The following IL15RA variants were observed in gnomAD, a reference collection of about 807,000 sequenced individuals.
IL15RA encodes the protein interleukin-15 receptor subunit alpha.
IL15RA carries 26 observed loss-of-function variants against 24.2 expected under a neutral mutation model. That is an observed-to-expected ratio of 1.07 (90% confidence interval 0.79 to 1.49). The LOEUF (loss-of-function observed/expected upper bound fraction) is 1.49. IL15RA is among the 40% of genes most tolerant of loss of function. The pLI, the probability that IL15RA is intolerant of heterozygous loss-of-function variation, is 0.00. For missense variants in IL15RA, 354 were observed against 356.4 expected (o/e 0.99, Z 0.05); for synonymous variants, 166 against 157.6 (o/e 1.05, Z -0.40).
intron 1 of IL15RA, among the ~76,000 whole-genome samples, chr10:5,974,501 G>C (rs1211161810): frequency 6.6e-6 from 1 of 151,914 alleles, no homozygotes; most frequent in Non-Finnish European, 1.5e-5. Context: ...GGGTGTGAAG[G>C]AACTGGAACT....
At chr10:5,977,735 C>G, upstream of IL15RA, 1 of 1,002,760 alleles carries the variant, frequency 1.0e-6, no homozygotes, top group Non-Finnish European at 1.3e-6. Context: ...CCCCTGTCCC[C>G]GGGACGCATG....
At position 5,952,929 on chromosome 10, in the gene IL15RA, C is replaced by T. The variant is rs184737366; in HGVS notation, c.*166G>A. 3.9e-3 allele frequency: 2,425 copies of T among 628,980 alleles called. 20 individuals are homozygous for T. Among genetic ancestry groups the T allele is most frequent in the Non-Finnish European group, 3.0e-3 (1,045 of 351,066 alleles). 39.0% of individuals were successfully genotyped at this position (628,980 alleles called of 1,614,324 possible). A position where few individuals can be genotyped will look rare whatever the true frequency, so the allele number is the denominator to read the frequency against. ...GGAATGCGGAGAACCTGCTCCCTCGCGCAGGAGGCGCCGACCCGGCAGTCC... is the reference window on the plus strand; with the variant it reads ...GGAATGCGGAGAACCTGCTCCCTCGTGCAGGAGGCGCCGACCCGGCAGTCC... On this transcript the variant is annotated 3_prime_UTR_variant, in exon 7 of 7. Transcript: ENST00000379977.
In IL15RA at chr10:5,961,858, C is replaced by A. The variant is rs1835616188; in HGVS notation, c.383-1291G>T. 6.6e-6 allele frequency among the ~76,000 whole-genome samples: 1 copy of A among 152,230 alleles called. No individual in the cohort carries two copies. The highest frequency in any genetic ancestry group is 1.5e-5 in the Non-Finnish European group (1 of 68,048). The stretch of plus-strand genomic sequence containing the variant: ...GCGTTCCCATGGTCTCCCAGCCACA[C>A]AGGTCATGAGAAGGCCTCACGCCCC... On this transcript the variant is annotated intron_variant, in intron 3 of 6. Coordinates refer to ENST00000379977, the MANE Select transcript of IL15RA (RefSeq NM_002189.4). The surrounding 1 kb of genome is among the most constrained non-coding windows in gnomAD (Gnocchi z 5.2).
chr10:5,973,459 A>G lies in IL15RA; in HGVS notation c.88+3946T>C, dbSNP rs1323567329. On this transcript the variant is annotated intron_variant, in intron 1 of 6. Coordinates refer to ENST00000379977, the MANE Select transcript of IL15RA (RefSeq NM_002189.4). This position sits in a 1 kb window ranked among gnomAD's most constrained non-coding sequence, Gnocchi z 4.5. ...TAATTGTTCATTGTGAATGTATAGA[A>G]ATAGAACTGATTTTTGTGTAGTGGT... Among the ~76,000 whole-genome samples the G allele has an allele frequency of 3.9e-5, 6 of 152,238 alleles. No individual in the cohort carries two copies. Among genetic ancestry groups the G allele is most frequent in the Non-Finnish European group, 8.8e-5 (6 of 68,044 alleles).
At chr10:5,978,517 G>A (rs1383489671), upstream of IL15RA, among the ~76,000 whole-genome samples, 1 of 152,138 alleles carries the variant, frequency 6.6e-6, no homozygotes, top group Non-Finnish European at 1.5e-5. The surrounding 1 kb of genome is among the most constrained non-coding windows in gnomAD (Gnocchi z 5.2). Context: ...CTTTGAAAAC[G>A]AAATAATCTG....
rs1164370138 is a variant in IL15RA at position 5,960,379 on chromosome 10, G to A, written c.571C>T (p.His191Tyr). The change falls in exon 4 of 7, where the codon CAC (histidine) becomes TAC (tyrosine). Residue 191 changes from histidine to tyrosine, a missense_variant. Transcript: ENST00000379977. This position sits in a 1 kb window ranked among gnomAD's most constrained non-coding sequence, Gnocchi z 5.1. The stretch of plus-strand genomic sequence containing the variant: ...AGCGAGTGCTAACCTGGCGGCTGGT[G>A]GGAGGCGGATGCTGTGAGTTCCCAG... ...KNWELTASASHQPPGVYPQGH... is the reference protein window; with the variant it reads ...KNWELTASASYQPPGVYPQGH... The A allele has an allele frequency of 1.2e-6, 2 of 1,613,926 alleles. No homozygotes were observed. The highest frequency in any genetic ancestry group is 2.7e-5 in the African/African-American group (2 of 74,914).
Position 5,952,876 on chromosome 10 carries a change from C to G in IL15RA, c.*219G>C. ...GGGAAGCTGGGCCCTGGGTCCAAGG[C>G]ACGACAGGCAGGCAGGTGGTGCCCA... On this transcript the variant is annotated 3_prime_UTR_variant, in exon 7 of 7. Coordinates refer to ENST00000379977, the MANE Select transcript of IL15RA (RefSeq NM_002189.4). 1.7e-6 allele frequency: 1 copy of G among 601,032 alleles called. No homozygotes were observed. Among genetic ancestry groups the G allele is most frequent in the Non-Finnish European group, 3.0e-6 (1 of 338,160 alleles). 37.2% of individuals were successfully genotyped at this position (601,032 alleles called of 1,614,324 possible).
chr10:5,978,448 T>C (rs1838772097), upstream of IL15RA, among the ~76,000 whole-genome samples: 1 of 152,170 alleles, frequency 6.6e-6, no homozygotes, highest in Admixed American at 6.5e-5. The surrounding 1 kb of genome is among the most constrained non-coding windows in gnomAD (Gnocchi z 5.2). Flanking sequence ...GCCTCGGTCA[T>C]TGCCTCTTAA....
At position 5,953,226 on chromosome 10, in the gene IL15RA, T is replaced by C. The variant is rs760860209; in HGVS notation, c.693-20A>G. 3 of 1,587,926 alleles carry C rather than the reference T, an allele frequency of 1.9e-6. No individual in the cohort carries two copies. The highest frequency in any genetic ancestry group is 2.7e-5 in the African/African-American group (2 of 74,538). ...GTTTGCCTGCAAAGCAGGTGGTTCA[T>C]AGGTTTTGAAAAGAGGAGGGGGTTG... On this transcript the variant is annotated intron_variant, in intron 6 of 6. Transcript: ENST00000379977. This position sits in a 1 kb window ranked among gnomAD's most constrained non-coding sequence, Gnocchi z 5.3.
chr10:5,971,984 C>T lies in IL15RA; in HGVS notation c.88+5421G>A, dbSNP rs1289066966. Among the ~76,000 whole-genome samples the T allele has an allele frequency of 6.6e-6, 1 of 152,154 alleles. No homozygotes were observed. The highest frequency in any genetic ancestry group is 1.5e-5 in the Non-Finnish European group (1 of 68,024). On this transcript the variant is annotated intron_variant, in intron 1 of 6. Transcript: ENST00000379977. The surrounding 1 kb of genome is among the most constrained non-coding windows in gnomAD (Gnocchi z 5.5). ...CAAATGAAAGGAAAGTAATGAAATA[C>T]ATTCTATAGTTTTAGGACTCGAGAA...
At position 5,963,659 on chromosome 10, in the gene IL15RA, G is replaced by T. The variant is rs1835975876; in HGVS notation, c.382+84C>A. ...AAGTCTGCAGTGGCACACCACAGAG[G>T]TCCGTGAGTCTGCAGGATTGGTGAG... On this transcript the variant is annotated intron_variant, in intron 3 of 6. Coordinates refer to ENST00000379977, the MANE Select transcript of IL15RA (RefSeq NM_002189.4). The surrounding 1 kb of genome is among the most constrained non-coding windows in gnomAD (Gnocchi z 5.3). 4 of 756,558 alleles carry T rather than the reference G, an allele frequency of 5.3e-6. No homozygotes were observed. The highest frequency in any genetic ancestry group is 2.3e-5 in the South Asian group (1 of 44,360). 46.9% of individuals were successfully genotyped at this position (756,558 alleles called of 1,614,324 possible).
At position 5,977,542 on chromosome 10, in the gene IL15RA, A is replaced by G. The variant is rs1028589460; in HGVS notation, c.-50T>C. 5 of 1,282,352 alleles carry G rather than the reference A, an allele frequency of 3.9e-6. No homozygotes were observed. Among genetic ancestry groups the G allele is most frequent in the Non-Finnish European group, 3.9e-6 (4 of 1,014,454 alleles). The allele number at this position is 1,282,352 out of a possible 1,614,324, so 79.4% of individuals were successfully genotyped here. ...TGGACTCCCCGGGCGAGCGCTGCCC[A>G]GGCCGGGGGGAGGTGGCGAGCGCTG... On this transcript the variant is annotated 5_prime_UTR_variant, in exon 1 of 7. Transcript: ENST00000379977.
chr10:5,952,828 C>A lies in IL15RA; in HGVS notation c.*267G>T. On this transcript the variant is annotated 3_prime_UTR_variant, in exon 7 of 7. Transcript: ENST00000379977. ...ACACTGTAATGAAATAAAAATCCTG[C>A]TCAGAAGCCTTTGGTCTCTCCTGGG... is the stretch of plus-strand genomic sequence containing the variant. 2 of 545,382 alleles carry A rather than the reference C, an allele frequency of 3.7e-6. No individual in the cohort carries two copies. The highest frequency in any genetic ancestry group is 6.5e-6 in the Non-Finnish European group (2 of 309,108). The allele number at this position is 545,382 out of a possible 1,614,324, so 33.8% of individuals were successfully genotyped here.
At chr10:5,948,908 A>G (rs747242566), downstream of IL15RA, 2 of 185,360 alleles carry the variant, frequency 1.1e-5, no homozygotes, top group African/African-American at 4.7e-5. Context: ...AATATTGAAA[A>G]TATATATTTT....
chr10:5,953,412 C>T lies in IL15RA; in HGVS notation c.693-206G>A, dbSNP rs909207991. On this transcript the variant is annotated intron_variant, in intron 6 of 6. Coordinates refer to ENST00000379977, the MANE Select transcript of IL15RA (RefSeq NM_002189.4). The surrounding 1 kb of genome is among the most constrained non-coding windows in gnomAD (Gnocchi z 5.3). ...CTACCTCTACCGAGTGTATTAAATC[C>T]TATCTAGGGGCCAGGTGTGGTGGCG... 7 of 704,212 alleles carry T rather than the reference C, an allele frequency of 9.9e-6. No individual in the cohort carries two copies. The highest frequency in any genetic ancestry group is 1.6e-5 in the Non-Finnish European group (6 of 382,888). 43.6% of individuals were successfully genotyped at this position (704,212 alleles called of 1,614,324 possible). A position where few individuals can be genotyped will look rare whatever the true frequency, so the allele number is the denominator to read the frequency against.
rs8177698 is a variant in IL15RA at position 5,961,424 on chromosome 10, G to GAAGAA, written c.383-862_383-858dup. On this transcript the variant is annotated intron_variant, in intron 3 of 6. Coordinates refer to ENST00000379977, the MANE Select transcript of IL15RA (RefSeq NM_002189.4). The surrounding 1 kb of genome is among the most constrained non-coding windows in gnomAD (Gnocchi z 5.2). ...TGTCTCTTAAAAAAAAAGGTGGGGG[G>GAAGAA]AAGAAAAGAAAAGGTGTCAAAGATC... Among the ~76,000 whole-genome samples, 84,077 of 150,966 alleles carry GAAGAA rather than the reference G, an allele frequency of 0.56. 24,485 individuals carry two copies. Among genetic ancestry groups the GAAGAA allele is most frequent in the East Asian group, 0.76 (3,866 of 5,072 alleles).
In IL15RA at chr10:5,956,417, C is replaced by G; in HGVS notation, c.654G>C (p.Leu218=). The change falls in exon 6 of 7, where the codon CTG becomes CTC. Residue 218 remains leucine, a synonymous_variant. Coordinates refer to ENST00000379977, the MANE Select transcript of IL15RA (RefSeq NM_002189.4). ...AGCATGCCAGGAGAGACACAGCGCT[C>G]AGCCCACACAGCAGGACAGTGGACG... ...ISTSTVLLCG[L]SAVSLLACYL... The G allele has an allele frequency of 2.5e-6, 4 of 1,614,114 alleles. No homozygotes were observed. The Middle Eastern group carries it at 6.6e-4, about 266-fold the overall frequency.
Position 5,966,056 on chromosome 10 carries a change from A to G in IL15RA, c.283+89T>C, listed in dbSNP as rs1836468137. Reference sequence around the variant, plus strand: ...TGTTTAGCCTCAGACCTCAGCACAGATCCCTTGACCCCTGAGATGGGGTCT... The same window carrying G: ...TGTTTAGCCTCAGACCTCAGCACAGGTCCCTTGACCCCTGAGATGGGGTCT... On this transcript the variant is annotated intron_variant, in intron 2 of 6. Coordinates refer to ENST00000379977, the MANE Select transcript of IL15RA (RefSeq NM_002189.4). The surrounding 1 kb of genome is among the most constrained non-coding windows in gnomAD (Gnocchi z 6.4). The G allele has an allele frequency of 3.2e-6, 3 of 933,286 alleles. No homozygotes were observed. The highest frequency in any genetic ancestry group is 1.6e-5 in the South Asian group (1 of 64,480). The allele number at this position is 933,286 out of a possible 1,614,324, so 57.8% of individuals were successfully genotyped here.
At chr10:5,954,168 C>CTTTT (rs750550552) in intron 6 of IL15RA, among the ~76,000 whole-genome samples, 34 of 105,214 alleles carry the variant, frequency 3.2e-4, no homozygotes, top group Non-Finnish European at 4.4e-4. Flanking sequence ...ACCAATTCTT[C>CTTTT]TTTTTTTTTT....
Sources: allele counts gnomAD v4.1 joint callset (sites outside exome capture counted in the v4.1 genomes callset), GRCh38; gene constraint gnomAD v4.1.1; non-coding constraint Gnocchi (gnomAD v3.1); transcripts MANE v1.5; gene names NCBI Gene and HGNC (gene_info 2026-07-23, HGNC 2026-07-21).